The following BCR variants were observed in gnomAD, a reference collection of about 807,000 sequenced individuals.
BCR encodes breakpoint cluster region protein.
BCR carries 58 observed loss-of-function variants against 138.6 expected under a neutral mutation model. The observed-to-expected ratio is 0.42, with a 90% CI of 0.34 to 0.52. The LOEUF (loss-of-function observed/expected upper bound fraction) is 0.52, where lower values mean the gene tolerates loss of function less well. Ranked by LOEUF, BCR falls within the 20% of genes least tolerant of loss-of-function variation. The pLI, the probability that BCR is intolerant of heterozygous loss-of-function variation, is 0.06. For missense variants in BCR, 1,599 were observed against 1,727.2 expected (o/e 0.93, Z 1.32); for synonymous variants, 786 against 730.1 (o/e 1.08, Z -1.23).
intron 4 of BCR, chr22:23,262,944 G>A (rs904762768): frequency 1.1e-5 from 12 of 1,076,212 alleles, no homozygotes; most frequent in East Asian, 9.9e-5. Flanking sequence ...AGGCGGAAGC[G>A]TGGAGGAAGG....
chr22:23,277,008 C>T (rs1183347403), intron 8 of BCR, among the ~76,000 whole-genome samples: 1 of 152,198 alleles, frequency 6.6e-6, no homozygotes. Context: ...GTGGCCTGCC[C>T]GCATGCTGCC....
At chr22:23,198,949 G>T (rs548010611) in intron 1 of BCR, among the ~76,000 whole-genome samples, 1 of 151,976 alleles carries the variant, frequency 6.6e-6, no homozygotes, top group Non-Finnish European at 1.5e-5. Flanking sequence ...GCGAAACCCG[G>T]TCTCTATTAC....
chr22:23,314,061 A>G lies in BCR; in HGVS notation c.3551A>G (p.Asp1184Gly). ...ANLLTFLFLLDHLKRVAEKEA... is the reference protein window; with the variant it reads ...ANLLTFLFLLGHLKRVAEKEA... ...CTGCTCACCTTCCTTTTCCTTCTGG[A>G]CCACCTGAAAAGGTAGCCCAGCTCT... The change falls in exon 21 of 23, where the codon GAC becomes GGC. Residue 1184 changes from aspartate to glycine, a missense_variant. Physicochemically the swap from Asp to Gly is moderately conservative, Grantham distance 94. This residue lies in a region of BCR where 177 missense variants were observed against 226.4 expected (regional missense o/e 0.78). Coordinates refer to ENST00000305877, the MANE Select transcript of BCR (RefSeq NM_004327.4). 6.2e-7 allele frequency: 1 copy of G among 1,613,090 alleles called. No individual in the cohort carries two copies. The highest frequency in any genetic ancestry group is 8.5e-7 in the Non-Finnish European group (1 of 1,179,778).
chr22:23,211,186 GCTT>G lies in BCR; in HGVS notation c.1279+28951_1279+28953del, dbSNP rs937780465. Among the ~76,000 whole-genome samples, 38 of 152,160 alleles carry G rather than the reference GCTT, an allele frequency of 2.5e-4. 2 individuals carry two copies. The highest frequency in any genetic ancestry group is 8.4e-4 in the African/African-American group (35 of 41,516). ...AGCTTTTGGTGACAGAGTTCTTAGA[GCTT>G]CTTTTTTTATTTGTTTGTTTTTTGT... is the stretch of plus-strand genomic sequence containing the variant. On this transcript the variant is annotated intron_variant, in intron 1 of 22. Transcript: ENST00000305877.
chr22:23,253,777 G>T, intron 1 of BCR, 22 bp from the exon 2 acceptor site: 1 of 1,598,062 alleles, frequency 6.3e-7, no homozygotes, highest in Non-Finnish European at 8.6e-7. Context: ...CTCTAACACA[G>T]GATGCTTCTT....
intron 11 of BCR, 28 bp downstream of exon 11, chr22:23,287,306 T>C: frequency 6.6e-7 from 1 of 1,511,384 alleles, no homozygotes; most frequent in Non-Finnish European, 8.9e-7. Flanking sequence ...CGGCCCCTCC[T>C]GCTCTCCTGG....
At chr22:23,314,448 G>T (rs1433819155) in intron 21 of BCR, 104 bp from the exon 22 acceptor site, 2 of 1,328,122 alleles carry the variant, frequency 1.5e-6, no homozygotes, top group Non-Finnish European at 2.1e-6. Flanking sequence ...GCACAGCCAG[G>T]GTCGAGGTCA....
At chr22:23,211,420 G>A (rs922263628) in intron 1 of BCR, among the ~76,000 whole-genome samples, 2 of 151,860 alleles carry the variant, frequency 1.3e-5, no homozygotes, top group African/African-American at 4.8e-5. Context: ...GGATGGTCTC[G>A]ATTTCCTGAC....
intron 4 of BCR, among the ~76,000 whole-genome samples, chr22:23,266,286 A>G (rs1331415823): frequency 6.6e-6 from 1 of 151,800 alleles, no homozygotes; most frequent in Non-Finnish European, 1.5e-5. Flanking sequence ...ACAAGGTTTC[A>G]CCATGTTGGC....
chr22:23,305,467 T>C (rs2073946872), intron 16 of BCR, among the ~76,000 whole-genome samples: 2 of 152,176 alleles, frequency 1.3e-5, no homozygotes, highest in African/African-American at 4.8e-5. Flanking sequence ...CATTGGTGAC[T>C]CAATCCAGCC....
In BCR at chr22:23,315,614, C is replaced by T. The variant is rs1186656631; in HGVS notation, c.*92C>T. ...TAGAGCGGGAACCTTCCTGAGGTGTCCTTGGGCCACCCCCAAGTGTTGGGC... is the reference window on the plus strand; with the variant it reads ...TAGAGCGGGAACCTTCCTGAGGTGTTCTTGGGCCACCCCCAAGTGTTGGGC... On this transcript the variant is annotated 3_prime_UTR_variant, in exon 23 of 23. Transcript: ENST00000305877. The T allele has an allele frequency of 8.4e-7, 1 of 1,184,820 alleles. No individual in the cohort carries two copies. The highest frequency in any genetic ancestry group is 1.5e-5 in the African/African-American group (1 of 66,404). 73.4% of individuals were successfully genotyped at this position (1,184,820 alleles called of 1,614,324 possible). A position where few individuals can be genotyped will look rare whatever the true frequency, so the allele number is the denominator to read the frequency against.
At chr22:23,210,799 T>C (rs998315074) in intron 1 of BCR, among the ~76,000 whole-genome samples, 8 of 152,260 alleles carry the variant, frequency 5.3e-5, no homozygotes, top group African/African-American at 9.6e-5. Flanking sequence ...TTCATGCAAG[T>C]TGTGTGTACC....
intron 3 of BCR, 147 bp downstream of exon 3, chr22:23,261,201 T>G: frequency 8.1e-7 from 1 of 1,236,938 alleles, no homozygotes; most frequent in South Asian, 1.4e-5. Flanking sequence ...AAGACTGAGT[T>G]GCCAAACCAA....
intron 12 of BCR, 39 bp from the exon 13 acceptor site, chr22:23,289,478 A>G: frequency 6.5e-7 from 1 of 1,547,894 alleles, no homozygotes; most frequent in African/African-American, 1.4e-5. Context: ...GCCAAGGAGC[A>G]GATTGACCAA....
At chr22:23,193,105 C>T (rs1244340438) in intron 1 of BCR, among the ~76,000 whole-genome samples, 1 of 152,244 alleles carries the variant, frequency 6.6e-6, no homozygotes, top group East Asian at 1.9e-4. Flanking sequence ...TGAAGATTCA[C>T]TTCACTTTAA....
intron 16 of BCR, among the ~76,000 whole-genome samples, chr22:23,295,679 C>T (rs953492849): frequency 6.6e-6 from 1 of 152,146 alleles, no homozygotes; most frequent in African/African-American, 2.4e-5. Flanking sequence ...TGGAAGCCCC[C>T]AGGTGAGACC....
intron 1 of BCR, among the ~76,000 whole-genome samples, chr22:23,214,380 A>T (rs1329497151): frequency 6.6e-6 from 1 of 152,212 alleles, no homozygotes; most frequent in East Asian, 1.9e-4. Flanking sequence ...AGTATATGAA[A>T]AAGATGAAAG....
At chr22:23,259,935 C>T (rs930023774) in intron 2 of BCR, among the ~76,000 whole-genome samples, 6 of 152,168 alleles carry the variant, frequency 3.9e-5, no homozygotes, top group Non-Finnish European at 7.3e-5. Context: ...CTGCAGTAAG[C>T]TGTGACTGTG....
chr22:23,287,524 G>T (rs1480506145), intron 11 of BCR, among the ~76,000 whole-genome samples: 1 of 152,236 alleles, frequency 6.6e-6, no homozygotes, highest in Non-Finnish European at 1.5e-5. Flanking sequence ...TAGGGCAGGG[G>T]AGCCTAGCAG....
Sources: gnomAD v4.1 joint callset for allele counts (sites outside exome capture counted in the v4.1 genomes callset) on GRCh38, gnomAD v4.1.1 for gene constraint, gnomAD v4.1.1 regional missense constraint, MANE v1.5 for transcripts, NCBI Gene and HGNC (gene_info 2026-07-23, HGNC 2026-07-21) for gene names.